Variants in ANXA4 observed in about 807,000 individuals in gnomAD.
ANXA4 encodes the protein annexin A4, also known as 35-beta calcimedin.
Under a neutral mutation model 49.8 loss-of-function variants are expected in ANXA4, and 39 were observed. That is an observed-to-expected ratio of 0.78 (90% CI 0.61 to 1.02). ANXA4 has a LOEUF of 1.02. ANXA4 is among the 50% of genes least tolerant of loss of function. The pLI is 0.00. For synonymous variants in ANXA4, 134 were observed against 152.5 expected, an observed-to-expected ratio of 0.88 and a Z score of 0.89; for missense variants, 360 against 410.1, an observed-to-expected ratio of 0.88 and a Z score of 1.05.
At chr2:69,679,143 GT>G (rs1379975568) in intron 2 of ANXA4, among the ~76,000 whole-genome samples, 1 of 151,846 alleles carries the variant, frequency 6.6e-6, no homozygotes, top group Non-Finnish European at 1.5e-5. Context: ...TTATTAAAAA[GT>G]TTTTGGTTTT....
intron 3 of ANXA4, among the ~76,000 whole-genome samples, chr2:69,721,547 A>G (rs1669811092): frequency 6.6e-6 from 1 of 152,142 alleles, no homozygotes; most frequent in Admixed American, 6.5e-5. Flanking sequence ...AAAAAAATTG[A>G]AAAGTTAACC....
At position 69,735,448 on chromosome 2, in the gene ANXA4, A is replaced by G. The variant is rs78318397; in HGVS notation, n.864+14577A>G. 9.9e-3 allele frequency among the ~76,000 whole-genome samples: 1,512 copies of G among 152,290 alleles called. 27 individuals are homozygous for G. Among genetic ancestry groups the G allele is most frequent in the African/African-American group, 0.034 (1,419 of 41,552 alleles). On this transcript the variant is annotated intron_variant and non_coding_transcript_variant, in intron 3 of 3. Transcript: ENST00000418066. Reference sequence around the variant, plus strand: ...AAAATCTATCGACTTAGGGTGCTTTAGAACACTAGTCCACCATCGTCTTGG... The same window carrying G: ...AAAATCTATCGACTTAGGGTGCTTTGGAACACTAGTCCACCATCGTCTTGG...
At chr2:69,658,267 G>A (rs903166421) in intron 2 of ANXA4, among the ~76,000 whole-genome samples, 1 of 151,914 alleles carries the variant, frequency 6.6e-6, no homozygotes. Context: ...TGGCGTGGTG[G>A]CACACTCCCG....
chr2:69,743,854 C>G (rs183837549), intron 1 of ANXA4, among the ~76,000 whole-genome samples: 3 of 152,276 alleles, frequency 2.0e-5, no homozygotes, highest in Middle Eastern at 3.4e-3. Context: ...GAGAGTAACC[C>G]GCACAGTCAA....
At chr2:69,675,596 T>C (rs1260656338) in intron 2 of ANXA4, among the ~76,000 whole-genome samples, 1 of 152,166 alleles carries the variant, frequency 6.6e-6, no homozygotes, top group African/African-American at 2.4e-5. Context: ...GTGAGATACC[T>C]GGAAGAGTGA....
intron 2 of ANXA4, among the ~76,000 whole-genome samples, chr2:69,684,886 A>G (rs1194227407): frequency 1.3e-5 from 2 of 152,192 alleles, no homozygotes; most frequent in African/African-American, 2.4e-5. Flanking sequence ...TGGTAAGCGA[A>G]GATAGAAGCC....
chr2:69,651,207 G>C (rs927071174), intron 1 of ANXA4, among the ~76,000 whole-genome samples: 4 of 152,136 alleles, frequency 2.6e-5, no homozygotes, highest in Non-Finnish European at 4.4e-5. Flanking sequence ...ATGAGGAAAA[G>C]AACAGGTGAG....
At chr2:69,667,602 G>A (rs1456455982) in intron 2 of ANXA4, among the ~76,000 whole-genome samples, 1 of 152,182 alleles carries the variant, frequency 6.6e-6, no homozygotes, top group Non-Finnish European at 1.5e-5. Context: ...GGATGCTGTG[G>A]CAACATTTAT....
chr2:69,754,618 G>C (rs1670975053), intron 1 of ANXA4, among the ~76,000 whole-genome samples: 2 of 152,158 alleles, frequency 1.3e-5, no homozygotes, highest in Non-Finnish European at 2.9e-5. Flanking sequence ...GGATTCTGTA[G>C]ATCTAGGGTT....
intron 8 of ANXA4, chr2:69,815,658 A>G (rs1230825783): frequency 1.3e-5 from 2 of 157,248 alleles, no homozygotes; most frequent in Non-Finnish European, 2.8e-5. Context: ...AGAACATTCC[A>G]CATCTGCACT....
At chr2:69,684,662 T>A in intron 2 of ANXA4, among the ~76,000 whole-genome samples, 1 of 136,060 alleles carries the variant, frequency 7.3e-6, no homozygotes, top group African/African-American at 2.8e-5. Context: ...TACTCCAGCC[T>A]GGGCAACAGA....
chr2:69,780,256 A>G (rs778328587), intron 1 of ANXA4, among the ~76,000 whole-genome samples: 1 of 152,082 alleles, frequency 6.6e-6, no homozygotes, highest in Non-Finnish European at 1.5e-5. Flanking sequence ...GTGCAGTGGC[A>G]TGATCTTGGC....
At chr2:69,729,106 C>T (rs1332117210) in intron 3 of ANXA4, among the ~76,000 whole-genome samples, 3 of 152,334 alleles carry the variant, frequency 2.0e-5, no homozygotes, top group South Asian at 2.1e-4. Flanking sequence ...CTCCACCACC[C>T]GGGTTCAAGC....
chr2:69,691,324 A>G (rs1573107400), intron 2 of ANXA4, among the ~76,000 whole-genome samples: 1 of 151,842 alleles, frequency 6.6e-6, no homozygotes. Context: ...GGGTTTCACC[A>G]TGTTGGCCTC....
Position 69,656,337 on chromosome 2 carries a change from ATATATATGTG to A in ANXA4, n.766+3073_766+3082del, listed in dbSNP as rs1198971116. Among the ~76,000 whole-genome samples, 74 of 92,962 alleles carry A rather than the reference ATATATATGTG, an allele frequency of 8.0e-4. 2 individuals carry two copies. Among genetic ancestry groups the A allele is most frequent in the South Asian group, 1.5e-3 (4 of 2,654 alleles). 61.0% of individuals were successfully genotyped at this position (92,962 alleles called of 152,430 possible). On this transcript the variant is annotated intron_variant and non_coding_transcript_variant, in intron 2 of 3. Coordinates refer to the ANXA4 transcript ENST00000418066. ...TGTATATATATGTATATATATGTGT[ATATATATGTG>A]TATATATGTGTATATATATGTGTAT...
At chr2:69,695,401 A>C (rs1678129318) in intron 2 of ANXA4, among the ~76,000 whole-genome samples, 2 of 152,218 alleles carry the variant, frequency 1.3e-5, no homozygotes, top group Non-Finnish European at 2.9e-5. Flanking sequence ...AAAAATGAAA[A>C]ACAAACTCAG....
chr2:69,651,645 G>GAT (rs1676239005), intron 1 of ANXA4, among the ~76,000 whole-genome samples: 1 of 151,860 alleles, frequency 6.6e-6, no homozygotes, highest in African/African-American at 2.4e-5. Context: ...TGGGACTACA[G>GAT]GCTCCCACCA....
At chr2:69,790,265 T>G (rs1672625664) in intron 3 of ANXA4, among the ~76,000 whole-genome samples, 1 of 152,118 alleles carries the variant, frequency 6.6e-6, no homozygotes, top group Admixed American at 6.5e-5. Context: ...AATCCATAAC[T>G]GCTGCTAGGG....
intron 2 of ANXA4, among the ~76,000 whole-genome samples, chr2:69,693,221 A>G (rs1384196016): frequency 6.6e-6 from 1 of 152,124 alleles, no homozygotes; most frequent in African/African-American, 2.4e-5. Flanking sequence ...TCGGAAGAAC[A>G]TAGAGTTGGT....
Sources: gnomAD v4.1 joint callset for allele counts (sites outside exome capture counted in the v4.1 genomes callset) on GRCh38, gnomAD v4.1.1 for gene constraint, MANE v1.5 for transcripts, NCBI Gene and HGNC (gene_info 2026-07-23, HGNC 2026-07-21) for gene names.